MPP7: variants seen among roughly 807,000 people sequenced by gnomAD.
MPP7 encodes MAGUK p55 subfamily member 7.
MPP7 carries 60 observed loss-of-function variants against 76.5 expected under a neutral mutation model. The observed-to-expected ratio is 0.78, with a 90% confidence interval of 0.64 to 0.97. The LOEUF (loss-of-function observed/expected upper bound fraction) is 0.97, where lower values mean the gene tolerates loss of function less well. Ranked by LOEUF, MPP7 falls within the 50% of genes least tolerant of loss-of-function variation. The probability of loss-of-function intolerance (pLI) is 0.00; values close to 1 mark genes in which losing one functional copy is unlikely to be tolerated. For synonymous variants in MPP7, 237 were observed against 244.5 expected (o/e 0.97, Z 0.29); for missense variants, 641 against 694.0 (o/e 0.92, Z 0.86).
At chr10:28,074,146 A>G (rs1282437955) in intron 12 of MPP7, among the ~76,000 whole-genome samples, 1 of 152,230 alleles carries the variant, frequency 6.6e-6, no homozygotes, top group Non-Finnish European at 1.5e-5. Flanking sequence ...ATGAACAAAT[A>G]AAACATTTAG....
chr10:28,074,879 A>C lies in MPP7; in HGVS notation c.1124-5027T>G, dbSNP rs141765527. On this transcript the variant is annotated intron_variant, in intron 12 of 16. Transcript: ENST00000683449. ...GCTAATATCTTCAACTCTTTTACACACTGTCCTTTTATCACACATTAGTCT... is the reference window on the plus strand; with the variant it reads ...GCTAATATCTTCAACTCTTTTACACCCTGTCCTTTTATCACACATTAGTCT... Among the ~76,000 whole-genome samples, 781 of 152,178 alleles carry C rather than the reference A, an allele frequency of 5.1e-3. 3 individuals are homozygous for C. The highest frequency in any genetic ancestry group is 0.017 in the African/African-American group (719 of 41,524).
At chr10:28,262,066 G>A (rs982330229) in intron 1 of MPP7, among the ~76,000 whole-genome samples, 24 of 150,530 alleles carry the variant, frequency 1.6e-4, no homozygotes, top group African/African-American at 4.6e-4. Flanking sequence ...CAGGAGAATC[G>A]CTTGAACTTG....
At chr10:28,152,452 C>T (rs936400065) in intron 3 of MPP7, among the ~76,000 whole-genome samples, 1 of 151,986 alleles carries the variant, frequency 6.6e-6, no homozygotes, top group Non-Finnish European at 1.5e-5. Flanking sequence ...TTTATGATAA[C>T]CAAAAGAAAA....
At chr10:28,152,371 T>C (rs976995848) in intron 3 of MPP7, among the ~76,000 whole-genome samples, 2 of 152,194 alleles carry the variant, frequency 1.3e-5, no homozygotes, top group African/African-American at 4.8e-5. Context: ...GGAGTAAAAA[T>C]TTACTCTAAA....
At chr10:28,211,618 T>C (rs1191100644) in intron 2 of MPP7, among the ~76,000 whole-genome samples, 1 of 152,106 alleles carries the variant, frequency 6.6e-6, no homozygotes, top group East Asian at 1.9e-4. Flanking sequence ...GTATTCACAT[T>C]GAGTAAACAA....
intron 2 of MPP7, among the ~76,000 whole-genome samples, chr10:28,315,654 A>G (rs1834313749): frequency 6.6e-6 from 1 of 152,214 alleles, no homozygotes; most frequent in African/African-American, 2.4e-5. Flanking sequence ...TGCTGAGAGA[A>G]GAGACAAATC....
intron 13 of MPP7, among the ~76,000 whole-genome samples, chr10:28,061,857 T>C (rs1851800326): frequency 6.6e-6 from 1 of 151,870 alleles, no homozygotes; most frequent in African/African-American, 2.4e-5. Flanking sequence ...TTATAAATCA[T>C]AAAAATAAGA....
intron 1 of MPP7, among the ~76,000 whole-genome samples, chr10:28,247,703 A>G (rs760810690): frequency 6.6e-6 from 1 of 152,230 alleles, no homozygotes; most frequent in Non-Finnish European, 1.5e-5. Flanking sequence ...CCCTTCAAAC[A>G]ATTCAAAATC....
chr10:28,186,669 C>T lies in MPP7; in HGVS notation c.156+15484G>A, dbSNP rs114167769. 2.9e-3 allele frequency among the ~76,000 whole-genome samples: 438 copies of T among 152,302 alleles called. 1 individual carries two copies. The highest frequency in any genetic ancestry group is 9.7e-3 in the African/African-American group (405 of 41,572). On this transcript the variant is annotated intron_variant, in intron 3 of 16. Transcript: ENST00000683449. ...CAATAGGACGTGAAGTGCCACCTGT[C>T]ATGGCATTAAAGCCAGATATCCAAA...
chr10:28,085,879 G>A (rs1042626200), intron 12 of MPP7, among the ~76,000 whole-genome samples: 4 of 151,968 alleles, frequency 2.6e-5, no homozygotes, highest in African/African-American at 9.7e-5. Flanking sequence ...GAAAAGGGAG[G>A]GGACCAACCC....
intron 3 of MPP7, among the ~76,000 whole-genome samples, chr10:28,162,144 T>G (rs1229965567): frequency 6.6e-6 from 1 of 152,138 alleles, no homozygotes; most frequent in Non-Finnish European, 1.5e-5. Flanking sequence ...CAAAGACAAC[T>G]CTCTGAAGAA....
At chr10:28,150,193 A>G (rs911814283) in intron 3 of MPP7, 134 bp from the exon 4 acceptor site, 1 of 634,086 alleles carries the variant, frequency 1.6e-6, no homozygotes, top group Non-Finnish European at 2.8e-6. Context: ...TATTACACAC[A>G]TGTAATATGT....
At chr10:28,195,974 GA>G (rs777905333) in intron 3 of MPP7, among the ~76,000 whole-genome samples, 2 of 152,260 alleles carry the variant, frequency 1.3e-5, no homozygotes, top group East Asian at 3.9e-4. Flanking sequence ...GTTCCCAAAA[GA>G]ATGTTACCTT....
intron 3 of MPP7, among the ~76,000 whole-genome samples, chr10:28,186,035 T>C (rs1360045731): frequency 6.6e-6 from 1 of 152,188 alleles, no homozygotes; most frequent in Non-Finnish European, 1.5e-5. Context: ...GTCACTTTCA[T>C]GCTGACTTCC....
At chr10:28,125,245 G>T (rs1834981810) in intron 6 of MPP7, among the ~76,000 whole-genome samples, 154 bp from the exon 7 acceptor site, 1 of 152,160 alleles carries the variant, frequency 6.6e-6, no homozygotes, top group African/African-American at 2.4e-5. Flanking sequence ...CATGCCATTT[G>T]TCTTAGAATG....
chr10:28,095,194 C>CAT (rs10528025), intron 11 of MPP7, among the ~76,000 whole-genome samples: 2,421 of 130,744 alleles, frequency 0.019, 51 homozygotes, highest in East Asian at 0.031. Context: ...CACACATATG[C>CAT]ATATATATAT....
At chr10:28,147,776 T>C (rs1835757545) in intron 4 of MPP7, among the ~76,000 whole-genome samples, 1 of 152,178 alleles carries the variant, frequency 6.6e-6, no homozygotes, top group Admixed American at 6.5e-5. Context: ...TGAGTACAAA[T>C]CAAGTAATCG....
At chr10:28,330,563 A>C (rs906067541) in intron 1 of MPP7, among the ~76,000 whole-genome samples, 2 of 152,200 alleles carry the variant, frequency 1.3e-5, no homozygotes, top group African/African-American at 4.8e-5. Context: ...TGGCCTATGC[A>C]ATATGGGGTG....
chr10:28,089,897 CA>C (rs770444602), intron 11 of MPP7, 56 bp from the exon 12 acceptor site: 14,467 of 638,282 alleles, frequency 0.023, 7 homozygotes, highest in African/African-American at 0.031. Context: ...AAGAAACCCT[CA>C]AAAAAAAAAA....
Sources: allele counts gnomAD v4.1 joint callset (sites outside exome capture counted in the v4.1 genomes callset), GRCh38; gene constraint gnomAD v4.1.1; transcripts MANE v1.5; gene names NCBI Gene and HGNC (gene_info 2026-07-23, HGNC 2026-07-21).